The following GRID2 variants were observed in gnomAD, a reference collection of about 807,000 sequenced individuals.
The protein encoded by GRID2 is glutamate ionotropic receptor delta type subunit 2, also known as glutamate receptor ionotropic, delta-2.
A neutral mutation model predicts 114.8 loss-of-function variants in GRID2; 33 were observed. The ratio of observed to expected loss-of-function variants is 0.29; its 90% CI spans 0.22 to 0.38. The LOEUF (loss-of-function observed/expected upper bound fraction) is 0.38. GRID2 is among the 10% of genes least tolerant of loss of function. GRID2 has a pLI of 1.00. For synonymous variants in GRID2, 505 were observed against 449.9 expected (o/e 1.12, Z -1.55); for missense variants, 1,184 against 1,257.7 (o/e 0.94, Z 0.89).
intron 2 of GRID2, among the ~76,000 whole-genome samples, chr4:92,773,195 G>T (rs1329473446): frequency 2.0e-5 from 3 of 152,122 alleles, no homozygotes; most frequent in Non-Finnish European, 4.4e-5. Flanking sequence ...TCAATACAAT[G>T]GATATAAAAC....
intron 13 of GRID2, among the ~76,000 whole-genome samples, chr4:93,584,206 T>A (rs1174173784): frequency 5.3e-5 from 8 of 152,146 alleles, no homozygotes; most frequent in African/African-American, 1.9e-4. Flanking sequence ...AGAAGGGCTA[T>A]CCCTCTAAAG....
intron 13 of GRID2, among the ~76,000 whole-genome samples, chr4:93,544,696 G>A (rs577763042): frequency 6.6e-6 from 1 of 150,910 alleles, no homozygotes; most frequent in South Asian, 2.1e-4. Context: ...ATAATTGCTT[G>A]AACTCGGGAG....
At chr4:92,828,171 A>G (rs1048974590) in intron 2 of GRID2, among the ~76,000 whole-genome samples, 3 of 152,020 alleles carry the variant, frequency 2.0e-5, no homozygotes, top group Admixed American at 2.0e-4. Flanking sequence ...ATTACATTTG[A>G]GTTGCTAAAA....
intron 2 of GRID2, among the ~76,000 whole-genome samples, chr4:92,807,200 G>A (rs1740461808): frequency 6.6e-6 from 1 of 151,720 alleles, no homozygotes. Context: ...ATGTGAGTTC[G>A]ACTTAAATTG....
At chr4:93,288,114 T>C (rs1247696070) in intron 8 of GRID2, among the ~76,000 whole-genome samples, 1 of 152,232 alleles carries the variant, frequency 6.6e-6, no homozygotes, top group Non-Finnish European at 1.5e-5. Context: ...AGATTTGCTG[T>C]CTTTTCAAAT....
intron 14 of GRID2, among the ~76,000 whole-genome samples, chr4:93,736,546 G>A (rs1362862362): frequency 6.6e-6 from 1 of 151,978 alleles, no homozygotes; most frequent in Non-Finnish European, 1.5e-5. Flanking sequence ...AGGTAAGCCT[G>A]CTTACATTGT....
At chr4:93,190,245 C>A (rs757267114) in intron 4 of GRID2, among the ~76,000 whole-genome samples, 1 of 151,938 alleles carries the variant, frequency 6.6e-6, no homozygotes, top group Non-Finnish European at 1.5e-5. Flanking sequence ...TTGTTTATAA[C>A]CTTGATATTT....
intron 4 of GRID2, among the ~76,000 whole-genome samples, chr4:93,115,268 C>T (rs1733130580): frequency 6.6e-6 from 1 of 151,912 alleles, no homozygotes; most frequent in South Asian, 2.1e-4. Flanking sequence ...TTACTTTTAG[C>T]ATATCCTGTG....
chr4:93,121,341 C>G (rs1733766546), intron 4 of GRID2, among the ~76,000 whole-genome samples: 1 of 152,246 alleles, frequency 6.6e-6, no homozygotes, highest in African/African-American at 2.4e-5. Flanking sequence ...GTTAAGATCT[C>G]CCCAAAGGTA....
intron 2 of GRID2, among the ~76,000 whole-genome samples, chr4:92,650,339 C>G (rs1317249946): frequency 6.6e-6 from 1 of 151,950 alleles, no homozygotes; most frequent in East Asian, 1.9e-4. Context: ...GTAGGGTGAC[C>G]CAGATCTTCA....
intron 3 of GRID2, among the ~76,000 whole-genome samples, chr4:93,103,483 T>G: frequency 6.6e-6 from 1 of 152,126 alleles, no homozygotes; most frequent in Admixed American, 6.5e-5. Context: ...TGCTATCTTT[T>G]TATCTAAAAT....
intron 10 of GRID2, among the ~76,000 whole-genome samples, chr4:93,430,569 A>G (rs140641595): frequency 7.2e-5 from 11 of 152,380 alleles, no homozygotes; most frequent in Non-Finnish European, 1.5e-4. Context: ...TGTGAATAAG[A>G]CATAGACATT....
chr4:93,216,815 A>G lies in GRID2; in HGVS notation c.867A>G (p.Pro289=). The G allele has an allele frequency of 1.9e-6, 3 of 1,612,566 alleles. No homozygotes were observed. The highest frequency in any genetic ancestry group is 2.5e-6 in the Non-Finnish European group (3 of 1,178,616). ...TAACGATTATTCGGCAGACATTTCC[A>G]GTTCCCCAGAACATAAGTCAGCGGT... ...GRLTIIRQTF[P]VPQNISQRCF... The change falls in exon 6 of 16, where the codon CCA becomes CCG. Residue 289 remains proline (P), a synonymous_variant. Transcript: ENST00000282020.
intron 8 of GRID2, among the ~76,000 whole-genome samples, chr4:93,387,678 A>C (rs1053436085): frequency 6.6e-6 from 1 of 152,018 alleles, no homozygotes; most frequent in Non-Finnish European, 1.5e-5. Flanking sequence ...AAAAATACAA[A>C]AATTAGCCAG....
At chr4:92,352,314 C>A (rs1212534075) in intron 1 of GRID2, among the ~76,000 whole-genome samples, 1 of 149,806 alleles carries the variant, frequency 6.7e-6, no homozygotes, top group East Asian at 2.0e-4. Context: ...TATTCAGATC[C>A]CTTGCCAAAT....
At chr4:93,453,608 G>A (rs146740872) in intron 10 of GRID2, among the ~76,000 whole-genome samples, 25 of 151,912 alleles carry the variant, frequency 1.6e-4, no homozygotes, top group East Asian at 1.6e-3. Flanking sequence ...AATTCACTTC[G>A]TGATATTTAA....
At chr4:93,033,472 G>C (rs1448153486) in intron 2 of GRID2, among the ~76,000 whole-genome samples, 1 of 152,110 alleles carries the variant, frequency 6.6e-6, no homozygotes, top group Non-Finnish European at 1.5e-5. Context: ...GGAGTATTGT[G>C]AATCAGGAAA....
At chr4:92,692,741 T>C (rs1734234741) in intron 2 of GRID2, among the ~76,000 whole-genome samples, 1 of 151,956 alleles carries the variant, frequency 6.6e-6, no homozygotes, top group African/African-American at 2.4e-5. Context: ...TGCAGAATGT[T>C]GCCAGACACA....
intron 1 of GRID2, among the ~76,000 whole-genome samples, chr4:92,572,196 G>A (rs537196744): frequency 6.6e-6 from 1 of 151,820 alleles, no homozygotes; most frequent in Admixed American, 6.6e-5. Context: ...AATGATAAAG[G>A]GGATATCACC....
Sources: allele counts gnomAD v4.1 joint callset (sites outside exome capture counted in the v4.1 genomes callset), GRCh38; gene constraint gnomAD v4.1.1; transcripts MANE v1.5; gene names NCBI Gene and HGNC (gene_info 2026-07-23, HGNC 2026-07-21).